UGT1A7: variants seen among roughly 807,000 people sequenced by gnomAD.
The protein encoded by UGT1A7 is UDP-glucuronosyltransferase 1A7.
In UGT1A7, 33 loss-of-function variants were observed where a neutral mutation model predicts 45.6. The ratio of observed to expected loss-of-function variants is 0.72; its 90% confidence interval spans 0.55 to 0.97. UGT1A7 has a LOEUF of 0.97. Ranked by LOEUF, UGT1A7 falls within the 50% of genes least tolerant of loss-of-function variation. The probability of loss-of-function intolerance (pLI) is 0.00; values close to 1 mark genes in which losing one functional copy is unlikely to be tolerated. For missense variants in UGT1A7, 684 were observed against 666.2 expected, an observed-to-expected ratio of 1.03 and a Z score of -0.29; for synonymous variants, 274 against 250.6, an observed-to-expected ratio of 1.09 and a Z score of -0.88.
intron 1 of UGT1A7, among the ~76,000 whole-genome samples, chr2:233,724,281 C>A (rs1325936815): frequency 1.8e-5 from 2 of 112,012 alleles, no homozygotes; most frequent in Non-Finnish European, 1.8e-5. Flanking sequence ...GCTGGCCGGG[C>A]GGGGGGCTGA....
chr2:233,730,905 A>T (rs1322657764), intron 1 of UGT1A7, among the ~76,000 whole-genome samples: 1 of 152,098 alleles, frequency 6.6e-6, no homozygotes, highest in East Asian at 1.9e-4. Flanking sequence ...CCTTTACCAA[A>T]AATTTCAGAG....
chr2:233,724,264 C>T (rs1250827727), intron 1 of UGT1A7, among the ~76,000 whole-genome samples: 29 of 116,506 alleles, frequency 2.5e-4, no homozygotes, highest in African/African-American at 4.8e-4. Flanking sequence ...ACCTCCCGGA[C>T]GGGGCGGCTG....
intron 1 of UGT1A7, chr2:233,739,149 C>T (rs912480643): frequency 6.6e-6 from 1 of 152,208 alleles, no homozygotes; most frequent in African/African-American, 2.4e-5. Context: ...TGGGAACCTC[C>T]ACATAAATTT....
At chr2:233,698,908 G>A (rs1199885168) in intron 1 of UGT1A7, among the ~76,000 whole-genome samples, 2 of 152,230 alleles carry the variant, frequency 1.3e-5, no homozygotes, top group Non-Finnish European at 2.9e-5. Context: ...TCTGCCCAAG[G>A]AGGGACGTGG....
intron 1 of UGT1A7, among the ~76,000 whole-genome samples, chr2:233,749,386 AT>A (rs1439732191): frequency 2.6e-5 from 4 of 151,906 alleles, no homozygotes; most frequent in Non-Finnish European, 5.9e-5. Flanking sequence ...CAGTTTTTCA[AT>A]GTGAACATAT....
intron 1 of UGT1A7, chr2:233,738,921 G>A (rs1476491765): frequency 6.6e-6 from 1 of 152,268 alleles, no homozygotes; most frequent in Non-Finnish European, 1.5e-5. Flanking sequence ...CAGGCCTGGA[G>A]GCCTAGGAAG....
intron 1 of UGT1A7, among the ~76,000 whole-genome samples, chr2:233,700,393 A>AT (rs2075560829): frequency 6.6e-6 from 1 of 152,184 alleles, no homozygotes; most frequent in South Asian, 2.1e-4. Flanking sequence ...CATGTGGAAC[A>AT]TTTTGGCAGC....
At position 233,769,722 on chromosome 2, in the gene UGT1A7, G is replaced by A. The variant is rs906143757; in HGVS notation, c.1295+1283G>A. ...AGATCAATGTTGGCTAGGCACCATG[G>A]CACACGCCTGTAGTCCCAGCCACTC... On this transcript the variant is annotated intron_variant, in intron 4 of 4. Coordinates refer to ENST00000373426, the MANE Select transcript of UGT1A7 (RefSeq NM_019077.3). The surrounding 1 kb of genome is among the most constrained non-coding windows in gnomAD (Gnocchi z 4.4). 8 of 1,484,822 alleles carry A rather than the reference G, an allele frequency of 5.4e-6. No individual in the cohort carries two copies. Among genetic ancestry groups the A allele is most frequent in the East Asian group, 5.0e-5 (2 of 40,322 alleles). 92.0% of individuals were successfully genotyped at this position (1,484,822 alleles called of 1,614,324 possible).
In UGT1A7 at chr2:233,772,387, C is replaced by T; in HGVS notation, c.1421C>T (p.Ala474Val). The stretch of plus-strand genomic sequence containing the variant: ...AAGGGCGCGCCACACCTGCGCCCCG[C>T]AGCCCACGACCTCACCTGGTACCAG... ...RHKGAPHLRPAAHDLTWYQYH... is the reference protein window; with the variant it reads ...RHKGAPHLRPVAHDLTWYQYH... Residue 474 changes from alanine to valine, a missense_variant, in exon 5 of 5, where the codon GCA (alanine) becomes GTA (valine). Physicochemically the swap from Ala to Val is moderately conservative, Grantham distance 64. Coordinates refer to ENST00000373426, the MANE Select transcript of UGT1A7 (RefSeq NM_019077.3). The T allele has an allele frequency of 6.2e-7, 1 of 1,614,274 alleles. No homozygotes were observed. The highest frequency in any genetic ancestry group is 1.1e-5 in the South Asian group (1 of 91,092).
intron 1 of UGT1A7, among the ~76,000 whole-genome samples, chr2:233,724,420 G>A (rs1396792043): frequency 4.4e-5 from 6 of 135,614 alleles, no homozygotes; most frequent in African/African-American, 1.4e-4. Flanking sequence ...GCTGCCGGGC[G>A]GAGAGGCTCC....
rs1183097052 is a variant in UGT1A7, at chr2:233,768,306, A to G, written c.1162A>G (p.Met388Val). Residue 388 changes from methionine to valine, a missense_variant, in exon 4 of 5, where the codon ATG (methionine) becomes GTG (valine). Met to Val is a conservative substitution (Grantham distance 21, BLOSUM62 1). Coordinates refer to ENST00000373426, the MANE Select transcript of UGT1A7 (RefSeq NM_019077.3). ...ATGCAATGGCGTTCCCATGGTGATG[A>G]TGCCCTTGTTTGGTGATCAGATGGA... ...SICNGVPMVM[M>V]PLFGDQMDNA... 6.2e-7 allele frequency: 1 copy of G among 1,614,086 alleles called. No homozygotes were observed. The highest frequency in any genetic ancestry group is 1.7e-5 in the Admixed American group (1 of 60,000).
intron 1 of UGT1A7, among the ~76,000 whole-genome samples, chr2:233,709,397 A>G (rs2076074225): frequency 6.6e-6 from 1 of 152,196 alleles, no homozygotes; most frequent in Non-Finnish European, 1.5e-5. Context: ...TTAATAATCT[A>G]TGGGTGAACA....
At chr2:233,718,130 T>TCTA in intron 1 of UGT1A7, 1 of 281,256 alleles carries the variant, frequency 3.6e-6, no homozygotes, top group Non-Finnish European at 7.1e-6. Context: ...ATGGTGTAGA[T>TCTA]GGAGAATCCT....
At chr2:233,741,968 A>G (rs1276374481) in intron 1 of UGT1A7, 1 of 151,884 alleles carries the variant, frequency 6.6e-6, no homozygotes, top group Non-Finnish European at 1.5e-5. Context: ...TGTTGTGTTT[A>G]TGGTGCCTCA....
chr2:233,767,950 A>T lies in UGT1A7; in HGVS notation c.1075+14A>T. The T allele has an allele frequency of 6.2e-7, 1 of 1,614,160 alleles. No homozygotes were observed. On this transcript the variant is annotated intron_variant, in intron 3 of 4. Transcript: ENST00000373426. ...ACGATCTGCTTGGTATGTTGGGCGG[A>T]TTGGATGTATAGGTCAAACCAGGGT... is the stretch of plus-strand genomic sequence containing the variant.
chr2:233,757,966 T>C (rs1008713784), intron 1 of UGT1A7, among the ~76,000 whole-genome samples: 4 of 152,150 alleles, frequency 2.6e-5, no homozygotes, highest in Admixed American at 6.5e-5. Context: ...GTGTGATTTC[T>C]CAGCCCCTAG....
At chr2:233,705,912 A>C (rs2075878682) in intron 1 of UGT1A7, among the ~76,000 whole-genome samples, 1 of 152,094 alleles carries the variant, frequency 6.6e-6, no homozygotes, top group Non-Finnish European at 1.5e-5. Context: ...AAATAGTGAA[A>C]CTCCTTCTCT....
At chr2:233,702,884 A>G (rs2075712374) in intron 1 of UGT1A7, among the ~76,000 whole-genome samples, 1 of 152,194 alleles carries the variant, frequency 6.6e-6, no homozygotes, top group South Asian at 2.1e-4. Flanking sequence ...GGACTTTTGC[A>G]TCATATCCAT....
At chr2:233,702,904 T>C (rs1326367671) in intron 1 of UGT1A7, among the ~76,000 whole-genome samples, 1 of 152,212 alleles carries the variant, frequency 6.6e-6, no homozygotes, top group Admixed American at 6.5e-5. Context: ...TAAGAGATAT[T>C]GGAAGTCTTA....
Sources: allele counts gnomAD v4.1 joint callset (sites outside exome capture counted in the v4.1 genomes callset), GRCh38; gene constraint gnomAD v4.1.1; non-coding constraint Gnocchi (gnomAD v3.1); transcripts MANE v1.5; gene names NCBI Gene and HGNC (gene_info 2026-07-23, HGNC 2026-07-21).